PEAK1: variants seen among roughly 807,000 people sequenced by gnomAD.
PEAK1 encodes the protein inactive tyrosine-protein kinase PEAK1.
Under a neutral mutation model 124.7 loss-of-function variants are expected in PEAK1, and 54 were observed. That is an observed-to-expected ratio of 0.43 (90% CI 0.35 to 0.54). PEAK1 has a LOEUF of 0.54. Ranked by LOEUF, PEAK1 falls within the 20% of genes least tolerant of loss-of-function variation. PEAK1 has a pLI of 0.01. For missense variants in PEAK1, 2,046 were observed against 2,134.5 expected, an observed-to-expected ratio of 0.96 and a Z score of 0.82; for synonymous variants, 719 against 760.0, an observed-to-expected ratio of 0.95 and a Z score of 0.89.
At chr15:77,262,164 T>G (rs937435077) in intron 5 of PEAK1, among the ~76,000 whole-genome samples, 8 of 152,134 alleles carry the variant, frequency 5.3e-5, no homozygotes, top group Admixed American at 2.6e-4. Context: ...CATGTCAAAC[T>G]GTAAAGACCA....
intron 1 of PEAK1, among the ~76,000 whole-genome samples, chr15:77,395,696 G>C (rs954130941): frequency 2.0e-5 from 3 of 152,076 alleles, no homozygotes; most frequent in Non-Finnish European, 4.4e-5. Flanking sequence ...TTATCCTAGA[G>C]TAGTATATAT....
intron 8 of PEAK1, among the ~76,000 whole-genome samples, chr15:77,145,384 G>A (rs977276332): frequency 4.6e-5 from 7 of 152,114 alleles, no homozygotes; most frequent in Non-Finnish European, 1.0e-4. Context: ...GGGAAGTGGA[G>A]GTTGCAGTGA....
At chr15:77,276,432 C>T (rs1281189814) in intron 5 of PEAK1, among the ~76,000 whole-genome samples, 2 of 152,128 alleles carry the variant, frequency 1.3e-5, no homozygotes, top group Non-Finnish European at 1.5e-5. Context: ...AAGGAACTGG[C>T]ACGATATCTT....
At chr15:77,397,288 A>G (rs1359904805) in intron 1 of PEAK1, among the ~76,000 whole-genome samples, 1 of 152,136 alleles carries the variant, frequency 6.6e-6, no homozygotes, top group Non-Finnish European at 1.5e-5. Flanking sequence ...CATACCAAAA[A>G]TCTATAGGAT....
intron 2 of PEAK1, chr15:77,349,553 A>G: frequency 3.0e-6 from 3 of 984,478 alleles, no homozygotes; most frequent in Non-Finnish European, 2.4e-6. Context: ...TTCATAGATT[A>G]TTTAAACCAG....
chr15:77,400,696 G>A (rs971972837), intron 1 of PEAK1, among the ~76,000 whole-genome samples: 1 of 152,044 alleles, frequency 6.6e-6, no homozygotes, highest in African/African-American at 2.4e-5. Flanking sequence ...GAGATAGGAG[G>A]TAGAATGTAA....
chr15:77,399,130 A>G (rs538588248), intron 1 of PEAK1, among the ~76,000 whole-genome samples: 26 of 152,344 alleles, frequency 1.7e-4, no homozygotes, highest in Admixed American at 1.0e-3. Flanking sequence ...AAATGGGAAG[A>G]TATACCATGT....
intron 9 of PEAK1, among the ~76,000 whole-genome samples, chr15:77,123,398 T>C (rs922296197): frequency 2.6e-5 from 4 of 152,282 alleles, no homozygotes; most frequent in Admixed American, 2.6e-4. Flanking sequence ...AGCAAAAGGC[T>C]GTCATTTTTC....
chr15:77,116,701 AATCTATCTATCTATCTATCTATCT>A (rs34607835), intron 9 of PEAK1, among the ~76,000 whole-genome samples: 16 of 145,860 alleles, frequency 1.1e-4, no homozygotes, highest in South Asian at 2.3e-4. Context: ...GAAATCAATC[AATCTATCTATCTATCTATCTATCT>A]ATCTATCTAT....
chr15:77,217,453 C>T (rs1366076995), intron 6 of PEAK1, among the ~76,000 whole-genome samples: 2 of 152,030 alleles, frequency 1.3e-5, no homozygotes, highest in African/African-American at 4.8e-5. Flanking sequence ...AGAAAGTTAG[C>T]CAAAGCTTTA....
intron 8 of PEAK1, among the ~76,000 whole-genome samples, chr15:77,145,177 G>A (rs572548636): frequency 1.3e-5 from 2 of 152,212 alleles, no homozygotes; most frequent in East Asian, 1.9e-4. Flanking sequence ...GGCCAGGTGC[G>A]GTGGCTCATG....
chr15:77,200,806 T>A (rs995598252), intron 6 of PEAK1, among the ~76,000 whole-genome samples: 18 of 152,120 alleles, frequency 1.2e-4, no homozygotes, highest in African/African-American at 4.1e-4. Context: ...TGTTTCATGT[T>A]TGAAAGATCT....
chr15:77,257,362 A>C (rs986628905), intron 5 of PEAK1, among the ~76,000 whole-genome samples: 16 of 149,508 alleles, frequency 1.1e-4, no homozygotes, highest in African/African-American at 3.7e-4. Flanking sequence ...AAGTGTTCCT[A>C]TTTCTCCACA....
intron 6 of PEAK1, among the ~76,000 whole-genome samples, chr15:77,223,201 C>T (rs1434139351): frequency 6.6e-6 from 1 of 152,028 alleles, no homozygotes; most frequent in Non-Finnish European, 1.5e-5. Flanking sequence ...TTGATTAATA[C>T]TGTAAATTGT....
chr15:77,351,698 G>C, intron 2 of PEAK1: 1 of 973,016 alleles, frequency 1.0e-6, no homozygotes, highest in Non-Finnish European at 1.2e-6. Flanking sequence ...TTTGTTCAAG[G>C]TGCCAAGAAC....
exon 7 of PEAK1, chr15:77,102,853 T>G (rs2050708186): frequency 6.6e-6 from 1 of 152,126 alleles, no homozygotes; most frequent in African/African-American, 2.4e-5. Flanking sequence ...TTCCTCCAAC[T>G]GACTCTGAAA....
At chr15:77,413,771 T>C (rs772275262) in intron 1 of PEAK1, among the ~76,000 whole-genome samples, 11 of 150,782 alleles carry the variant, frequency 7.3e-5, no homozygotes, top group Admixed American at 6.0e-4. Context: ...GCACCATGGT[T>C]ATGTAGGATG....
rs150506474 is a variant in PEAK1 at position 77,220,250 on chromosome 15, A to T, written c.-115+32117T>A. The stretch of plus-strand genomic sequence containing the variant: ...AAAATTATTTGGTTTTAGAGAGTTG[A>T]TTAACAAAAATGTACTATGCATTGA... On this transcript the variant is annotated intron_variant, in intron 6 of 9. Coordinates refer to ENST00000682557, the MANE Select transcript of PEAK1 (RefSeq NM_001385026.1). Among the ~76,000 whole-genome samples the T allele has an allele frequency of 4.8e-3, 729 of 152,192 alleles. 4 individuals carry two copies. The highest frequency in any genetic ancestry group is 0.016 in the African/African-American group (675 of 41,566).
intron 2 of PEAK1, among the ~76,000 whole-genome samples, chr15:77,323,664 C>T (rs987898339): frequency 7.9e-5 from 12 of 152,188 alleles, no homozygotes; most frequent in South Asian, 6.2e-4. Context: ...ACATTCCATG[C>T]TCATGGGTAG....
Sources: gnomAD v4.1 joint callset for allele counts (sites outside exome capture counted in the v4.1 genomes callset) on GRCh38, gnomAD v4.1.1 for gene constraint, MANE v1.5 for transcripts, NCBI Gene and HGNC (gene_info 2026-07-23, HGNC 2026-07-21) for gene names.